Variants in SMUG1 observed in about 807,000 individuals in gnomAD.
The protein encoded by SMUG1 is single-strand selective monofunctional uracil DNA glycosylase.
SMUG1 carries 13 observed loss-of-function variants against 23.9 expected under a neutral mutation model. The ratio of observed to expected loss-of-function variants is 0.54; its 90% CI spans 0.35 to 0.86. The LOEUF is 0.86. SMUG1 is among the 40% of genes least tolerant of loss of function. The pLI is 0.01. For synonymous variants in SMUG1, 133 were observed against 139.8 expected (o/e 0.95, Z 0.34); for missense variants, 313 against 339.5 (o/e 0.92, Z 0.61).
At chr12:54,170,133 G>A (rs1244592635) in intron 3 of SMUG1, among the ~76,000 whole-genome samples, 1 of 151,572 alleles carries the variant, frequency 6.6e-6, no homozygotes, top group African/African-American at 2.4e-5. Flanking sequence ...GGGAGGCAGA[G>A]TTTGCGGTCC....
chr12:54,185,885 AG>A lies in SMUG1; in HGVS notation c.-19-1927del, dbSNP rs1942343547. Reference sequence around the variant, plus strand: ...GGTGAAGGGAGAAAAGAAATGGGAGAGGAAGAAGAAAGGGAAGAGAGAAGGG... The same window carrying A: ...GGTGAAGGGAGAAAAGAAATGGGAGAGAAGAAGAAAGGGAAGAGAGAAGGG... On this transcript the variant is annotated intron_variant, in intron 2 of 3. Transcript: ENST00000682136. Among the ~76,000 whole-genome samples, 11 of 152,110 alleles carry A rather than the reference AG, an allele frequency of 7.2e-5. No homozygotes were observed. In the South Asian group the frequency reaches 2.3e-3, roughly 32 times the overall value.
chr12:54,180,384 T>G lies in SMUG1; in HGVS notation c.*1712A>C, dbSNP rs1940888530. Reference sequence around the variant, plus strand: ...CAGGAACTGAAGACAAAGGCCAAATTCTTTATTATACAATGAAGTAGGGGA... The same window carrying G: ...CAGGAACTGAAGACAAAGGCCAAATGCTTTATTATACAATGAAGTAGGGGA... On this transcript the variant is annotated 3_prime_UTR_variant, in exon 4 of 4. Coordinates refer to ENST00000682136, the MANE Select transcript of SMUG1 (RefSeq NM_001243787.2). 1 of 152,228 alleles carries G rather than the reference T, an allele frequency of 6.6e-6. No individual in the cohort carries two copies. The allele number at this position is 152,228 out of a possible 1,614,324, so 9.4% of individuals were successfully genotyped here.
downstream of SMUG1, among the ~76,000 whole-genome samples, chr12:54,177,242 G>A (rs529848707): frequency 2.6e-5 from 4 of 152,284 alleles, no homozygotes; most frequent in Admixed American, 6.5e-5. Context: ...TGTTGAAGAC[G>A]GATAGCAGGA....
At position 54,181,339 on chromosome 12, in the gene SMUG1, G is replaced by T. The variant is rs972675991; in HGVS notation, c.*757C>A. 6.9e-6 allele frequency: 4 copies of T among 579,496 alleles called. No individual in the cohort carries two copies. Among genetic ancestry groups the T allele is most frequent in the Non-Finnish European group, 1.2e-5 (4 of 325,816 alleles). The allele number at this position is 579,496 out of a possible 1,614,324, so 35.9% of individuals were successfully genotyped here. A position where few individuals can be genotyped will look rare whatever the true frequency, so the allele number is the denominator to read the frequency against. On this transcript the variant is annotated 3_prime_UTR_variant, in exon 4 of 4. Transcript: ENST00000682136. ...AGTGCTGTGAATCCTCAACCCAGAG[G>T]CAAGAAAACAAGAAGACTATGTAAT...
downstream of SMUG1, chr12:54,162,504 T>A (rs1409613649): frequency 6.6e-6 from 1 of 152,178 alleles, no homozygotes; most frequent in Non-Finnish European, 1.5e-5. Flanking sequence ...ACATCCCACA[T>A]GTATGGGATG....
At chr12:54,173,475 C>A (rs1341373706) in intron 2 of SMUG1, among the ~76,000 whole-genome samples, 1 of 151,962 alleles carries the variant, frequency 6.6e-6, no homozygotes, top group Non-Finnish European at 1.5e-5. Context: ...GGGCGCGGCG[C>A]CGGGAGCTGG....
At chr12:54,159,559 A>G (rs540073044) in intron 4 of SMUG1, among the ~76,000 whole-genome samples, 22 of 152,048 alleles carry the variant, frequency 1.4e-4, no homozygotes, top group Non-Finnish European at 2.9e-4. Flanking sequence ...TTCCCCTTCA[A>G]TGTCATTTAT....
rs1422980342 is a variant in SMUG1 at position 54,181,480 on chromosome 12, G to A, written c.*616C>T. On this transcript the variant is annotated 3_prime_UTR_variant, in exon 4 of 4. Transcript: ENST00000682136. ...TTACAGATGAGGAGCCTGAGGCATA[G>A]AGAGGTTTATTAATTTGTCAATCAA... 12 of 1,349,140 alleles carry A rather than the reference G, an allele frequency of 8.9e-6. No homozygotes were observed. In the South Asian group the frequency reaches 1.4e-4, roughly 15 times the overall value. The allele number at this position is 1,349,140 out of a possible 1,614,324, so 83.6% of individuals were successfully genotyped here. A position where few individuals can be genotyped will look rare whatever the true frequency, so the allele number is the denominator to read the frequency against.
Position 54,180,734 on chromosome 12 carries a change from C to G in SMUG1, c.*1362G>C, listed in dbSNP as rs959990745. ...TGGAGATCTGCTACATCCAGCCAGG[C>G]AGCAGCACTTTGGGAGGCCAAGACA... is the stretch of plus-strand genomic sequence containing the variant. On this transcript the variant is annotated 3_prime_UTR_variant, in exon 4 of 4. Transcript: ENST00000682136. The G allele has an allele frequency of 1.3e-5, 2 of 152,224 alleles. No homozygotes were observed. Among genetic ancestry groups the G allele is most frequent in the Admixed American group, 1.3e-4 (2 of 15,274 alleles). The allele number at this position is 152,224 out of a possible 1,614,324, so 9.4% of individuals were successfully genotyped here.
chr12:54,161,275 A>G (rs1226460345), downstream of SMUG1, among the ~76,000 whole-genome samples: 5 of 152,108 alleles, frequency 3.3e-5, no homozygotes, highest in Non-Finnish European at 5.9e-5. This position sits in a 1 kb window ranked among gnomAD's most constrained non-coding sequence, Gnocchi z 4.2. Context: ...GGCACAGATC[A>G]TTAAACCCCG....
intron 3 of SMUG1, 41 bp from the exon 4 acceptor site, chr12:54,182,664 G>A (rs369762317): frequency 4.5e-6 from 7 of 1,569,124 alleles, no homozygotes; most frequent in Non-Finnish European, 5.2e-6. Context: ...TCAAACTGGA[G>A]ACCTGAGGCC....
Position 54,183,908 on chromosome 12 carries a change from A to G in SMUG1, c.33T>C (p.His11=). The change falls in exon 3 of 4, where the codon CAT becomes CAC. Residue 11 remains histidine, a synonymous_variant. Coordinates refer to ENST00000682136, the MANE Select transcript of SMUG1 (RefSeq NM_001243787.2). MPQAFLLGSI[H]EPAGALMEPQ... is the part of the protein sequence containing the mutation. Reference sequence around the variant, plus strand: ...GCTCCATGAGGGCACCTGCAGGCTCATGGATGGACCCCAGCAGGAAAGCCT... The same window carrying G: ...GCTCCATGAGGGCACCTGCAGGCTCGTGGATGGACCCCAGCAGGAAAGCCT... The G allele has an allele frequency of 3.1e-6, 5 of 1,597,780 alleles. No homozygotes were observed. The highest frequency in any genetic ancestry group is 4.3e-6 in the Non-Finnish European group (5 of 1,171,782).
intron 2 of SMUG1, among the ~76,000 whole-genome samples, chr12:54,172,616 C>T (rs921233952): frequency 6.6e-6 from 1 of 152,202 alleles, no homozygotes; most frequent in Non-Finnish European, 1.5e-5. Context: ...CAGAAAATAC[C>T]CATCTGCATC....
At chr12:54,184,497 C>T (rs914643544) in intron 2 of SMUG1, among the ~76,000 whole-genome samples, 2 of 152,214 alleles carry the variant, frequency 1.3e-5, no homozygotes, top group African/African-American at 4.8e-5. Context: ...CTCATTGATC[C>T]TCACAACAAT....
chr12:54,183,990 A>C (rs1272519172), intron 2 of SMUG1, 31 bp from the exon 3 acceptor site: 1 of 1,453,414 alleles, frequency 6.9e-7, no homozygotes, highest in African/African-American at 1.4e-5. Context: ...AAGCCCCATC[A>C]ACCCTCAGCC....
chr12:54,183,769 C>T lies in SMUG1; in HGVS notation c.172G>A (p.Val58Met), dbSNP rs375011852. The change falls in exon 3 of 4, where the codon GTG becomes ATG. Residue 58 changes from valine (V) to methionine (M), a missense_variant. Coordinates refer to ENST00000682136, the MANE Select transcript of SMUG1 (RefSeq NM_001243787.2). ...CGATGTGGCTCCCATGCATACTCCA[C>T]GGGATTGTAGATGATGCCCACAGGC... Reference protein sequence around the residue: ...SEPVGIIYNPVEYAWEPHRNY... With the variant: ...SEPVGIIYNPMEYAWEPHRNY... 5.0e-6 allele frequency: 8 copies of T among 1,614,118 alleles called. No individual in the cohort carries two copies. The highest frequency in any genetic ancestry group is 5.1e-6 in the Non-Finnish European group (6 of 1,179,978).
chr12:54,173,708 C>G (rs1353686566), intron 2 of SMUG1, among the ~76,000 whole-genome samples: 1 of 151,218 alleles, frequency 6.6e-6, no homozygotes, highest in Non-Finnish European at 1.5e-5. Context: ...GGCTGCTCGC[C>G]TCCTCTGCAA....
chr12:54,166,563 T>G (rs993053131), intron 3 of SMUG1, among the ~76,000 whole-genome samples: 1 of 152,182 alleles, frequency 6.6e-6, no homozygotes. Flanking sequence ...CCAGCCAGTC[T>G]TGGTCTAGCC....
downstream of SMUG1, chr12:54,163,351 C>T (rs754657232): frequency 6.6e-6 from 1 of 152,250 alleles, no homozygotes; most frequent in Non-Finnish European, 1.5e-5. Context: ...TTTGACTTCC[C>T]TATGCCTCAG....
Sources: allele counts gnomAD v4.1 joint callset (sites outside exome capture counted in the v4.1 genomes callset), GRCh38; gene constraint gnomAD v4.1.1; non-coding constraint Gnocchi (gnomAD v3.1); transcripts MANE v1.5; gene names NCBI Gene and HGNC (gene_info 2026-07-23, HGNC 2026-07-21).